BANK1: variants seen among roughly 807,000 people sequenced by gnomAD.
The protein encoded by BANK1 is B cell scaffold protein with ankyrin repeats 1.
In BANK1, 95 loss-of-function variants were observed where a neutral mutation model predicts 94.5. The ratio of observed to expected loss-of-function variants is 1.00; its 90% confidence interval spans 0.85 to 1.19. The LOEUF is 1.19. Among genes scored for constraint, BANK1 ranks in the 50% most tolerant of loss-of-function variants. The pLI is 0.00. For synonymous variants in BANK1, 334 were observed against 308.4 expected, an observed-to-expected ratio of 1.08 and a Z score of -0.87; for missense variants, 987 against 932.2, an observed-to-expected ratio of 1.06 and a Z score of -0.77.
intron 7 of BANK1, among the ~76,000 whole-genome samples, chr4:101,936,299 A>G (rs1482154251): frequency 6.6e-6 from 1 of 150,456 alleles, no homozygotes; most frequent in Non-Finnish European, 1.5e-5. Flanking sequence ...ATATGCACAC[A>G]TACATGCATA....
At chr4:101,966,545 CT>C (rs1012170923) in intron 7 of BANK1, among the ~76,000 whole-genome samples, 47 of 152,148 alleles carry the variant, frequency 3.1e-4, no homozygotes, top group African/African-American at 1.0e-3. Flanking sequence ...AAGCAAGTAG[CT>C]TGCCATTTGT....
intron 2 of BANK1, among the ~76,000 whole-genome samples, chr4:101,844,506 A>T (rs1004523136): frequency 1.3e-5 from 2 of 152,228 alleles, no homozygotes; most frequent in Admixed American, 6.5e-5. Flanking sequence ...CTCTTGTGTG[A>T]GGCTGAGGAA....
intron 1 of BANK1, among the ~76,000 whole-genome samples, chr4:101,811,649 C>T (rs1224426367): frequency 4.6e-5 from 7 of 151,936 alleles, no homozygotes; most frequent in South Asian, 4.1e-4. Flanking sequence ...AATGCCAAAC[C>T]GTGAAAAATC....
At chr4:101,992,981 G>C (rs560211041) in intron 7 of BANK1, among the ~76,000 whole-genome samples, 5 of 152,230 alleles carry the variant, frequency 3.3e-5, no homozygotes, top group Admixed American at 3.3e-4. Context: ...TCACCCTACA[G>C]TCGTCCTAAA....
intron 5 of BANK1, among the ~76,000 whole-genome samples, chr4:101,894,868 C>A (rs946098744): frequency 2.0e-5 from 3 of 151,950 alleles, no homozygotes; most frequent in East Asian, 1.9e-4. Context: ...ATAATTTAAA[C>A]CATTTCACTT....
At chr4:102,002,548 C>G in intron 7 of BANK1, among the ~76,000 whole-genome samples, 1 of 25,246 alleles carries the variant, frequency 4.0e-5, no homozygotes, top group East Asian at 1.6e-3. Flanking sequence ...TACAAATACA[C>G]ACACACACAC....
intron 5 of BANK1, among the ~76,000 whole-genome samples, chr4:101,881,552 A>G (rs1355663308): frequency 6.6e-6 from 1 of 152,160 alleles, no homozygotes; most frequent in Non-Finnish European, 1.5e-5. Context: ...TGATCCAGTA[A>G]TCCCACTGCT....
intron 7 of BANK1, among the ~76,000 whole-genome samples, chr4:101,922,130 G>A (rs1473457776): frequency 1.3e-5 from 2 of 150,590 alleles, no homozygotes; most frequent in African/African-American, 4.9e-5. Flanking sequence ...CAAGGGCTTG[G>A]GTTTAAAATA....
intron 1 of BANK1, among the ~76,000 whole-genome samples, chr4:101,796,274 G>T (rs1725152575): frequency 6.6e-6 from 1 of 152,062 alleles, no homozygotes; most frequent in African/African-American, 2.4e-5. Context: ...ATTGTTTATA[G>T]TATCCTTACA....
chr4:101,874,461 C>G (rs1728412471), intron 5 of BANK1, among the ~76,000 whole-genome samples: 2 of 152,244 alleles, frequency 1.3e-5, no homozygotes, highest in South Asian at 4.1e-4. Context: ...AGGTCCCTAT[C>G]TTTCTCAAAA....
Position 101,876,583 on chromosome 4 carries a change from C to T in BANK1, c.903+5939C>T, listed in dbSNP as rs1214054427. Among the ~76,000 whole-genome samples the T allele has an allele frequency of 2.0e-5, 3 of 152,134 alleles. No homozygotes were observed. The East Asian group carries it at 5.8e-4, about 29-fold the overall frequency. ...AAACCCTTCCCAAGAAGGATGGATA[C>T]AAACAAGCCCAGATTGAGAAGGCTT... On this transcript the variant is annotated intron_variant, in intron 5 of 16. Coordinates refer to ENST00000322953, the MANE Select transcript of BANK1 (RefSeq NM_017935.5).
chr4:102,032,904 A>T (rs922888700), intron 10 of BANK1, among the ~76,000 whole-genome samples: 16 of 151,856 alleles, frequency 1.1e-4, no homozygotes, highest in Non-Finnish European at 2.1e-4. Flanking sequence ...AAATAAAAAA[A>T]AAAAATGAAG....
chr4:101,932,076 G>A (rs779796917), intron 7 of BANK1, among the ~76,000 whole-genome samples: 3 of 151,516 alleles, frequency 2.0e-5, no homozygotes, highest in African/African-American at 7.3e-5. Flanking sequence ...AAAGGGACCT[G>A]TTTTAATGGG....
intron 13 of BANK1, among the ~76,000 whole-genome samples, chr4:102,068,767 G>T (rs1728670519): frequency 6.6e-6 from 1 of 151,566 alleles, no homozygotes; most frequent in South Asian, 2.1e-4. Flanking sequence ...GGTGGAGGTT[G>T]CAGTGAGCCA....
intron 5 of BANK1, among the ~76,000 whole-genome samples, chr4:101,888,521 G>A (rs1423648895): frequency 6.6e-6 from 1 of 152,064 alleles, no homozygotes; most frequent in Non-Finnish European, 1.5e-5. Flanking sequence ...TACTATTTCA[G>A]ATTTTATCCT....
At chr4:101,843,456 T>C (rs937713163) in intron 2 of BANK1, among the ~76,000 whole-genome samples, 65 of 152,330 alleles carry the variant, frequency 4.3e-4, no homozygotes, top group African/African-American at 1.5e-3. Context: ...ATTGAAACAT[T>C]AGTGTTACAC....
At chr4:101,795,613 T>C (rs10010396) in intron 1 of BANK1, among the ~76,000 whole-genome samples, 4,956 of 152,290 alleles carry the variant, frequency 0.033, 271 homozygotes, top group African/African-American at 0.11. Flanking sequence ...AGTGTGTTTT[T>C]AGTACAGTTA....
intron 10 of BANK1, among the ~76,000 whole-genome samples, chr4:102,034,705 T>C (rs1441896764): frequency 1.3e-5 from 2 of 152,168 alleles, no homozygotes; most frequent in Non-Finnish European, 2.9e-5. Context: ...TGCTAATTCA[T>C]GCAATAACCC....
chr4:101,931,796 A>G (rs1317519166), intron 7 of BANK1, among the ~76,000 whole-genome samples: 1 of 151,370 alleles, frequency 6.6e-6, no homozygotes, highest in African/African-American at 2.4e-5. Flanking sequence ...TGGAGCTGAA[A>G]CTGAGTGTGG....
Sources: gnomAD v4.1 joint callset for allele counts (sites outside exome capture counted in the v4.1 genomes callset) on GRCh38, gnomAD v4.1.1 for gene constraint, MANE v1.5 for transcripts, NCBI Gene and HGNC (gene_info 2026-07-23, HGNC 2026-07-21) for gene names.